Variants in CHM observed in about 807,000 individuals in gnomAD.
CHM encodes CHM Rab escort protein.
A neutral mutation model predicts 49.0 loss-of-function variants in CHM; 10 were observed. The observed-to-expected ratio is 0.20, with a 90% CI of 0.13 to 0.35. The LOEUF (loss-of-function observed/expected upper bound fraction) is 0.35, where lower values mean the gene tolerates loss of function less well. CHM is among the 10% of genes least tolerant of loss of function. CHM has a pLI of 1.00. For missense variants in CHM, 455 were observed against 478.4 expected (o/e 0.95, Z 0.46); for synonymous variants, 184 against 167.5 (o/e 1.10, Z -0.76).
chrX:85,914,965 T>A (rs1227365226), intron 8 of CHM, among the ~76,000 whole-genome samples: 3 of 109,682 alleles, frequency 2.7e-5, no homozygotes, highest in African/African-American at 1.0e-4. Context: ...CACCTGAAAG[T>A]ACCCAGAAAG....
intron 8 of CHM, among the ~76,000 whole-genome samples, chrX:85,935,938 T>C (rs998595485): frequency 8.9e-6 from 1 of 112,060 alleles, no homozygotes; most frequent in Admixed American, 9.5e-5. Flanking sequence ...AAAGGAAAAG[T>C]TTCTGTCCCA....
At chrX:86,033,681 A>G (rs1036495736) in intron 1 of CHM, among the ~76,000 whole-genome samples, 1 of 112,090 alleles carries the variant, frequency 8.9e-6, no homozygotes, top group African/African-American at 3.2e-5. Context: ...AAATTCTATA[A>G]TAAATATTTA....
At chrX:85,983,297 T>C (rs1379022490) in intron 2 of CHM, among the ~76,000 whole-genome samples, 1 of 110,625 alleles carries the variant, frequency 9.0e-6, no homozygotes, top group Non-Finnish European at 1.9e-5. Flanking sequence ...ATTTCAGCTA[T>C]AGTAGCAATT....
intron 6 of CHM, 124 bp downstream of exon 6, chrX:85,958,737 C>A: frequency 1.9e-6 from 2 of 1,056,494 alleles, no homozygotes; most frequent in Non-Finnish European, 2.6e-6. Context: ...ATTTGTAAAT[C>A]ACCACGGAGG....
Position 85,913,339 on chromosome X carries a change from AGAAAGAAAGAAAGAAAGAAAGAAAG to A in CHM, c.1167-2026_1167-2002del, listed in dbSNP as rs1927215104. 2.4e-4 allele frequency among the ~76,000 whole-genome samples: 18 copies of A among 73,535 alleles called. No homozygotes were observed. The East Asian group carries it at 2.8e-3, about 11-fold the overall frequency. The allele number at this position is 73,535 out of a possible 115,157, so 63.9% of individuals were successfully genotyped here. A position where few individuals can be genotyped will look rare whatever the true frequency, so the allele number is the denominator to read the frequency against. ...AAAAAAAAAAAAAAAAAAAAAAGAA[AGAAAGAAAGAAAGAAAGAAAGAAAG>A]AAAGAAAGAAAGAAAGAAAGAAAAA... is the stretch of plus-strand genomic sequence containing the variant. On this transcript the variant is annotated intron_variant, in intron 8 of 14. Transcript: ENST00000357749.
intron 8 of CHM, among the ~76,000 whole-genome samples, chrX:85,912,032 C>G (rs996844346): frequency 2.2e-5 from 2 of 91,606 alleles, no homozygotes; most frequent in Non-Finnish European, 4.3e-5. Flanking sequence ...GAAAAGAAAT[C>G]CACGTACAAA....
intron 2 of CHM, among the ~76,000 whole-genome samples, chrX:86,008,929 G>A (rs1435956721): frequency 8.9e-6 from 1 of 112,350 alleles, no homozygotes; most frequent in Non-Finnish European, 1.9e-5. Context: ...AAATATTAAA[G>A]AAAATATCAA....
intron 7 of CHM, among the ~76,000 whole-genome samples, chrX:85,957,215 G>T (rs1458301095): frequency 9.0e-6 from 1 of 111,305 alleles, no homozygotes; most frequent in Non-Finnish European, 1.9e-5. Context: ...TCCAATTTTG[G>T]ATAACATTTT....
intron 2 of CHM, among the ~76,000 whole-genome samples, chrX:86,002,250 G>A (rs747503008): frequency 2.7e-5 from 3 of 112,089 alleles, no homozygotes; most frequent in South Asian, 3.7e-4. Flanking sequence ...GAAAACCCTA[G>A]GGGGTGGTAA....
intron 3 of CHM, among the ~76,000 whole-genome samples, chrX:85,979,276 T>A (rs1287381207): frequency 9.0e-6 from 1 of 111,638 alleles, no homozygotes; most frequent in Non-Finnish European, 1.9e-5. Flanking sequence ...GCCTTTTTTT[T>A]AACATTTTTT....
At chrX:85,899,089 C>T (rs1250972508) in intron 11 of CHM, among the ~76,000 whole-genome samples, 2 of 111,981 alleles carry the variant, frequency 1.8e-5, no homozygotes, top group Non-Finnish European at 3.8e-5. Flanking sequence ...ACTTTAGGAG[C>T]CTACTTTTAG....
chrX:85,976,173 C>T (rs1034887463), intron 4 of CHM, among the ~76,000 whole-genome samples: 10 of 111,887 alleles, frequency 8.9e-5, no homozygotes. Context: ...CAACTGTGAT[C>T]ATCAGCTGTT....
intron 8 of CHM, among the ~76,000 whole-genome samples, chrX:85,912,564 GCA>G (rs2148170916): frequency 9.0e-6 from 1 of 111,583 alleles, no homozygotes; most frequent in South Asian, 3.8e-4. Flanking sequence ...GCTGAAAAAT[GCA>G]CTCTCCCATT....
intron 2 of CHM, among the ~76,000 whole-genome samples, chrX:85,986,325 A>C (rs781572833): frequency 5.3e-4 from 59 of 111,197 alleles, no homozygotes; most frequent in Middle Eastern, 4.6e-3. Context: ...AAAAAACATA[A>C]ATGCTGAGAT....
chrX:85,982,969 CATAAA>C (rs983811455), intron 2 of CHM, among the ~76,000 whole-genome samples: 2 of 110,635 alleles, frequency 1.8e-5, no homozygotes, highest in Non-Finnish European at 3.8e-5. Flanking sequence ...AAGACCCTAT[CATAAA>C]ATAAAATAAT....
At chrX:85,900,391 A>C (rs373171791) in intron 11 of CHM, among the ~76,000 whole-genome samples, 19 of 111,621 alleles carry the variant, frequency 1.7e-4, no homozygotes, top group African/African-American at 5.8e-4. Context: ...GTCAAAGGGT[A>C]CAAACTTTCA....
intron 13 of CHM, among the ~76,000 whole-genome samples, chrX:85,876,948 T>C (rs1924457323): frequency 9.0e-6 from 1 of 111,186 alleles, no homozygotes; most frequent in African/African-American, 3.3e-5. Context: ...ATTTAGTGCA[T>C]TGAGACTACT....
At position 85,937,575 on chromosome X, in the gene CHM, G is replaced by A. The variant is rs181162004; in HGVS notation, c.1166+18578C>T. ...AATCAGGCTGGGCATGGTGGCTCAC[G>A]TCTCAAGCCTGTAATCCCACCACTT... On this transcript the variant is annotated intron_variant, in intron 8 of 14. Transcript: ENST00000357749. 1.3e-3 allele frequency among the ~76,000 whole-genome samples: 143 copies of A among 109,583 alleles called. 2 individuals carry two copies. The highest frequency in any genetic ancestry group is 4.4e-3 in the African/African-American group (133 of 30,097).
chrX:85,978,498 A>G, intron 4 of CHM, among the ~76,000 whole-genome samples: 1 of 111,842 alleles, frequency 8.9e-6, no homozygotes, highest in African/African-American at 3.3e-5. Flanking sequence ...TAATACTACT[A>G]TCTGCCCTAC....
Sources: gnomAD v4.1 joint callset for allele counts (sites outside exome capture counted in the v4.1 genomes callset) on GRCh38, gnomAD v4.1.1 for gene constraint, MANE v1.5 for transcripts, NCBI Gene and HGNC (gene_info 2026-07-23, HGNC 2026-07-21) for gene names.